The following MAPK10 variants were observed in gnomAD, a reference collection of about 807,000 sequenced individuals.
The protein encoded by MAPK10 is JNK3 alpha protein kinase.
MAPK10 carries 25 observed loss-of-function variants against 59.3 expected under a neutral mutation model. The ratio of observed to expected loss-of-function variants is 0.42; its 90% confidence interval spans 0.31 to 0.59. The LOEUF (loss-of-function observed/expected upper bound fraction) is 0.59, where lower values mean the gene tolerates loss of function less well. MAPK10 is among the 20% of genes least tolerant of loss of function. The pLI is 0.15. For synonymous variants in MAPK10, 190 were observed against 200.5 expected, an observed-to-expected ratio of 0.95 and a Z score of 0.44; for missense variants, 351 against 568.9, an observed-to-expected ratio of 0.62 and a Z score of 3.90.
intron 4 of MAPK10, among the ~76,000 whole-genome samples, chr4:86,145,542 T>C (rs2064772842): frequency 6.6e-6 from 1 of 152,204 alleles, no homozygotes; most frequent in Non-Finnish European, 1.5e-5. Flanking sequence ...TGTACCATCC[T>C]GCTTCCTCCG....
At chr4:86,120,061 A>G (rs966179554) in intron 4 of MAPK10, 1 of 152,246 alleles carries the variant, frequency 6.6e-6, no homozygotes. Flanking sequence ...TGGAGAATAC[A>G]GTGTTTGGAA....
chr4:86,153,122 C>T (rs2066885217), intron 4 of MAPK10, among the ~76,000 whole-genome samples: 1 of 151,978 alleles, frequency 6.6e-6, no homozygotes, highest in Admixed American at 6.6e-5. Context: ...TTCACTGATG[C>T]CCTAAAAGAC....
At chr4:86,481,977 G>A (rs886108272) in intron 1 of MAPK10, among the ~76,000 whole-genome samples, 1 of 152,128 alleles carries the variant, frequency 6.6e-6, no homozygotes, top group African/African-American at 2.4e-5. Flanking sequence ...CCACTGGAAA[G>A]AATAACCGTA....
In MAPK10 at chr4:86,101,039, G is replaced by C. The variant is rs377372842; in HGVS notation, c.730+13C>G. On this transcript the variant is annotated intron_variant, in intron 8 of 13. Coordinates refer to ENST00000641462, the MANE Select transcript of MAPK10 (RefSeq NM_138982.4). ...TTCATGGTTTTGATGCTGCTCTCCC[G>C]AAGCATCCCTACCGTTCTCCTTGTA... The C allele has an allele frequency of 1.2e-6, 2 of 1,611,720 alleles. No homozygotes were observed. Among genetic ancestry groups the C allele is most frequent in the Non-Finnish European group, 1.7e-6 (2 of 1,178,474 alleles).
chr4:86,351,589 C>G (rs1329558689), intron 2 of MAPK10, among the ~76,000 whole-genome samples: 1 of 151,878 alleles, frequency 6.6e-6, no homozygotes, highest in Non-Finnish European at 1.5e-5. Context: ...ATTTTTTTAA[C>G]TGGATTCCTG....
intron 2 of MAPK10, among the ~76,000 whole-genome samples, chr4:86,267,119 C>A (rs1370239937): frequency 1.3e-5 from 2 of 152,024 alleles, no homozygotes; most frequent in Non-Finnish European, 2.9e-5. Context: ...GACATGCAAT[C>A]ATTTGAAAAT....
At chr4:86,160,095 CTT>C (rs1225350822) in intron 3 of MAPK10, among the ~76,000 whole-genome samples, 6 of 151,976 alleles carry the variant, frequency 3.9e-5, no homozygotes, top group South Asian at 2.1e-4. Flanking sequence ...CCATATGACA[CTT>C]TATTTTTTGG....
intron 1 of MAPK10, among the ~76,000 whole-genome samples, chr4:86,390,498 G>A (rs1734914507): frequency 6.6e-6 from 1 of 152,280 alleles, no homozygotes; most frequent in Non-Finnish European, 1.5e-5. Context: ...GCTAGGGTAG[G>A]GGCTTCCATG....
At chr4:86,020,244 G>T (rs1411305259) in intron 13 of MAPK10, 1 of 152,142 alleles carries the variant, frequency 6.6e-6, no homozygotes, top group Non-Finnish European at 1.5e-5. Context: ...TCCATGCTGT[G>T]GCATGTATCT....
chr4:86,078,818 C>T (rs1003893590), intron 9 of MAPK10, among the ~76,000 whole-genome samples: 3 of 151,860 alleles, frequency 2.0e-5, no homozygotes, highest in East Asian at 1.9e-4. Flanking sequence ...AGAGAAACCC[C>T]GTCTCTACTA....
At chr4:86,060,605 T>A (rs2045559337) in intron 11 of MAPK10, among the ~76,000 whole-genome samples, 1 of 152,102 alleles carries the variant, frequency 6.6e-6, no homozygotes, top group African/African-American at 2.4e-5. Context: ...GCAACAAAGC[T>A]TCATGAACAT....
intron 11 of MAPK10, among the ~76,000 whole-genome samples, chr4:86,064,054 C>T (rs1401856324): frequency 6.6e-6 from 1 of 152,126 alleles, no homozygotes; most frequent in Non-Finnish European, 1.5e-5. Flanking sequence ...GTTTGTAGGA[C>T]TAAATCATAC....
chr4:86,434,984 T>C (rs1405362347), intron 1 of MAPK10, among the ~76,000 whole-genome samples: 1 of 152,140 alleles, frequency 6.6e-6, no homozygotes, highest in Non-Finnish European at 1.5e-5. Flanking sequence ...TATCTGATCA[T>C]TTGCAGCAAC....
At chr4:86,037,462 G>A (rs979735872) in intron 11 of MAPK10, among the ~76,000 whole-genome samples, 1 of 151,828 alleles carries the variant, frequency 6.6e-6, no homozygotes, top group African/African-American at 2.4e-5. Flanking sequence ...GGAGCTTGCA[G>A]TGAGCCAAGA....
intron 9 of MAPK10, among the ~76,000 whole-genome samples, chr4:86,093,343 C>G (rs940019289): frequency 5.3e-5 from 8 of 151,896 alleles, no homozygotes; most frequent in Non-Finnish European, 1.2e-4. Flanking sequence ...CAAATTTTCT[C>G]TCAATGAATG....
chr4:86,035,578 A>G (rs1055583919), intron 11 of MAPK10, among the ~76,000 whole-genome samples: 2 of 151,976 alleles, frequency 1.3e-5, no homozygotes, highest in Non-Finnish European at 2.9e-5. Flanking sequence ...GGTTAAAAAA[A>G]AAAAAAGATG....
intron 2 of MAPK10, among the ~76,000 whole-genome samples, chr4:86,343,314 T>C (rs140699982): frequency 6.6e-6 from 1 of 152,248 alleles, no homozygotes; most frequent in Non-Finnish European, 1.5e-5. Context: ...TGAAAGTACA[T>C]CCCTCTTGTT....
intron 1 of MAPK10, among the ~76,000 whole-genome samples, chr4:86,516,204 T>C (rs764991670): frequency 1.3e-5 from 2 of 152,212 alleles, no homozygotes; most frequent in African/African-American, 2.4e-5. Flanking sequence ...GTATTTGGCT[T>C]TATTTCTGGG....
At chr4:86,018,767 T>A (rs1285882655) in intron 13 of MAPK10, among the ~76,000 whole-genome samples, 1 of 152,202 alleles carries the variant, frequency 6.6e-6, no homozygotes, top group African/African-American at 2.4e-5. Flanking sequence ...CCTAATCAAA[T>A]AAGAGATGAG....
Sources: gnomAD v4.1 joint callset for allele counts (sites outside exome capture counted in the v4.1 genomes callset) on GRCh38, gnomAD v4.1.1 for gene constraint, MANE v1.5 for transcripts, NCBI Gene and HGNC (gene_info 2026-07-23, HGNC 2026-07-21) for gene names.